Variants in PDE3A observed in about 807,000 individuals in gnomAD.
PDE3A encodes the protein cGMP-inhibited 3',5'-cyclic phosphodiesterase 3A.
Under a neutral mutation model 98.3 loss-of-function variants are expected in PDE3A, and 43 were observed. The observed-to-expected ratio is 0.44, with a 90% CI of 0.34 to 0.56. The LOEUF is 0.56. Among genes scored for constraint, PDE3A ranks in the 20% least tolerant of loss-of-function variants. PDE3A has a pLI of 0.01. For synonymous variants in PDE3A, 663 were observed against 567.9 expected, an observed-to-expected ratio of 1.17 and a Z score of -2.38; for missense variants, 1,427 against 1,440.7, an observed-to-expected ratio of 0.99 and a Z score of 0.15.
intron 1 of PDE3A, among the ~76,000 whole-genome samples, chr12:20,553,791 AT>A (rs1341005854): frequency 6.6e-6 from 1 of 152,186 alleles, no homozygotes; most frequent in Non-Finnish European, 1.5e-5. Context: ...AGTGCCTTTG[AT>A]TCGTTCCTTC....
chr12:20,432,822 G>A (rs1034254443), intron 1 of PDE3A, among the ~76,000 whole-genome samples: 1 of 151,982 alleles, frequency 6.6e-6, no homozygotes, highest in African/African-American at 2.4e-5. Flanking sequence ...TGAAACTTAG[G>A]TAAATGGTTA....
At chr12:20,630,218 T>A in intron 6 of PDE3A, 91 bp downstream of exon 6, 3 of 894,424 alleles carry the variant, frequency 3.4e-6, no homozygotes, top group Non-Finnish European at 5.5e-6. Context: ...CAGCTTGGGG[T>A]AGGTTTGCCA....
At chr12:20,376,168 A>G (rs989340413) in intron 1 of PDE3A, among the ~76,000 whole-genome samples, 1 of 151,944 alleles carries the variant, frequency 6.6e-6, no homozygotes, top group African/African-American at 2.4e-5. Context: ...ATGACTGTAA[A>G]TAGCTGGTTG....
chr12:20,603,325 G>A (rs1943637193), intron 2 of PDE3A, among the ~76,000 whole-genome samples: 1 of 152,076 alleles, frequency 6.6e-6, no homozygotes, highest in African/African-American at 2.4e-5. Flanking sequence ...TCCAACAATG[G>A]AGCTATGATG....
At chr12:20,650,048 T>G (rs900177594) in intron 13 of PDE3A, among the ~76,000 whole-genome samples, 18 of 152,318 alleles carry the variant, frequency 1.2e-4, no homozygotes, top group African/African-American at 4.3e-4. Context: ...GTATATATAT[T>G]TATGGGTTAC....
At chr12:20,501,361 G>A (rs1242987905) in intron 1 of PDE3A, among the ~76,000 whole-genome samples, 2 of 152,134 alleles carry the variant, frequency 1.3e-5, no homozygotes, top group South Asian at 2.1e-4. Context: ...CGTCAAGTCA[G>A]ATTTTTTTTA....
At chr12:20,524,737 G>A (rs940070271) in intron 1 of PDE3A, among the ~76,000 whole-genome samples, 1 of 152,018 alleles carries the variant, frequency 6.6e-6, no homozygotes, top group African/African-American at 2.4e-5. Flanking sequence ...AGTCTAAGAA[G>A]TAACCATTCC....
In PDE3A at chr12:20,680,304, A is replaced by G. The variant is rs1945744255; in HGVS notation, c.*33A>G. Reference sequence around the variant, plus strand: ...TAGAATGGGCTGTGTTTCCAAACAGATTGACTTGTCAAAGACTCTCTTCAA... The same window carrying G: ...TAGAATGGGCTGTGTTTCCAAACAGGTTGACTTGTCAAAGACTCTCTTCAA... On this transcript the variant is annotated 3_prime_UTR_variant, in exon 16 of 16. Transcript: ENST00000359062. 1 of 1,609,318 alleles carries G rather than the reference A, an allele frequency of 6.2e-7. No homozygotes were observed. The highest frequency in any genetic ancestry group is 1.3e-5 in the African/African-American group (1 of 74,844).
At chr12:20,401,501 C>T (rs929887742) in intron 1 of PDE3A, among the ~76,000 whole-genome samples, 1 of 152,112 alleles carries the variant, frequency 6.6e-6, no homozygotes, top group Non-Finnish European at 1.5e-5. Context: ...TTGAAGCGTG[C>T]CTTTTCTCTC....
chr12:20,623,699 T>TAGAA lies in PDE3A; in HGVS notation c.1540+2293_1540+2296dup, dbSNP rs1308658626. ...GAAAGAATATATGATGGATATATTC[T>TAGAA]AGAAAGAATATATGATGGATATATT... On this transcript the variant is annotated intron_variant, in intron 5 of 15. Transcript: ENST00000359062. 6.0e-4 allele frequency among the ~76,000 whole-genome samples: 89 copies of TAGAA among 148,430 alleles called. 1 individual carries two copies. Among genetic ancestry groups the TAGAA allele is most frequent in the African/African-American group, 2.2e-3 (86 of 39,388 alleles).
intron 1 of PDE3A, among the ~76,000 whole-genome samples, chr12:20,499,398 A>G (rs951903192): frequency 6.6e-6 from 1 of 152,190 alleles, no homozygotes; most frequent in African/African-American, 2.4e-5. Context: ...GCCGATTACA[A>G]TTTGACTGTG....
At chr12:20,588,666 C>T (rs1221301349) in intron 2 of PDE3A, among the ~76,000 whole-genome samples, 1 of 152,028 alleles carries the variant, frequency 6.6e-6, no homozygotes, top group Non-Finnish European at 1.5e-5. Flanking sequence ...CCATTTTGCC[C>T]CATGCTGCCT....
chr12:20,640,204 A>G (rs1290147448), intron 10 of PDE3A, among the ~76,000 whole-genome samples: 1 of 152,138 alleles, frequency 6.6e-6, no homozygotes, highest in Non-Finnish European at 1.5e-5. Flanking sequence ...TCATAAAATG[A>G]GAATTATAGT....
In PDE3A at chr12:20,369,299, C is replaced by A. The variant is rs978610403; in HGVS notation, c.15C>A (p.Gly5=). ...CACCCTATACCATGGCAGTGCCCGG[C>A]GACGCTGCACGAGTCAGGGACAAGC... MAVP[G]DAARVRDKPV... The change falls in exon 1 of 16, where the codon GGC becomes GGA. Residue 5 remains glycine, a synonymous_variant. Coordinates refer to ENST00000359062, the MANE Select transcript of PDE3A (RefSeq NM_000921.5). 1 of 1,522,122 alleles carries A rather than the reference C, an allele frequency of 6.6e-7. No homozygotes were observed. The highest frequency in any genetic ancestry group is 1.2e-5 in the South Asian group (1 of 80,964). The allele number at this position is 1,522,122 out of a possible 1,614,324, so 94.3% of individuals were successfully genotyped here.
intron 15 of PDE3A, among the ~76,000 whole-genome samples, chr12:20,673,135 C>G (rs1249438573): frequency 1.3e-5 from 2 of 152,136 alleles, no homozygotes; most frequent in East Asian, 1.9e-4. Flanking sequence ...AAATGCAAAT[C>G]AAAACCACAA....
At chr12:20,631,307 C>T (rs76769379) in intron 6 of PDE3A, among the ~76,000 whole-genome samples, 5,652 of 152,204 alleles carry the variant, frequency 0.037, 140 homozygotes, top group Non-Finnish European at 0.055. Flanking sequence ...ATATATCATA[C>T]ATCCCTGTTA....
At chr12:20,600,045 T>C (rs1250523054) in intron 2 of PDE3A, among the ~76,000 whole-genome samples, 1 of 152,218 alleles carries the variant, frequency 6.6e-6, no homozygotes, top group Non-Finnish European at 1.5e-5. Flanking sequence ...AGTTCTTACT[T>C]GTCCCTTCTT....
chr12:20,622,901 G>A (rs540739615), intron 5 of PDE3A, among the ~76,000 whole-genome samples: 1 of 152,084 alleles, frequency 6.6e-6, no homozygotes, highest in East Asian at 1.9e-4. Context: ...TTACAACCAG[G>A]ATCACTAATT....
intron 1 of PDE3A, among the ~76,000 whole-genome samples, chr12:20,549,572 A>G (rs1271069755): frequency 6.6e-6 from 1 of 152,126 alleles, no homozygotes; most frequent in Non-Finnish European, 1.5e-5. Flanking sequence ...ACATTACAGT[A>G]TCTCATTTGT....
Sources: allele counts gnomAD v4.1 joint callset (sites outside exome capture counted in the v4.1 genomes callset), GRCh38; gene constraint gnomAD v4.1.1; transcripts MANE v1.5; gene names NCBI Gene and HGNC (gene_info 2026-07-23, HGNC 2026-07-21).